The following SLC36A1 variants were observed in gnomAD, a reference collection of about 807,000 sequenced individuals.
The protein encoded by SLC36A1 is solute carrier family 36 member 1, also known as proton-coupled amino acid transporter 1.
A neutral mutation model predicts 47.5 loss-of-function variants in SLC36A1; 30 were observed. That is an observed-to-expected ratio of 0.63 (90% CI 0.47 to 0.86). SLC36A1 has a LOEUF of 0.86. SLC36A1 is among the 40% of genes least tolerant of loss of function. SLC36A1 has a pLI of 0.00. For missense variants in SLC36A1, 517 were observed against 606.0 expected (o/e 0.85, Z 1.54); for synonymous variants, 255 against 249.7 (o/e 1.02, Z -0.20).
the SLC36A1 span, chr5:151,506,173 A>C: frequency 1.4e-6 from 2 of 1,442,710 alleles, no homozygotes; most frequent in South Asian, 1.5e-5. Context: ...GCAACTATAT[A>C]TAACCTAGCG....
intron 7 of SLC36A1, among the ~76,000 whole-genome samples, chr5:151,472,000 T>C (rs1757373682): frequency 6.6e-6 from 1 of 152,106 alleles, no homozygotes. Context: ...CCCTGCCCCT[T>C]CCACACAGTC....
At chr5:151,397,764 C>CAAAAAAAAAAAAAAAAAAAAA in the SLC36A1 span, among the ~76,000 whole-genome samples, 1 of 44,338 alleles carries the variant, frequency 2.3e-5, no homozygotes, top group Non-Finnish European at 4.1e-5. Flanking sequence ...AACTCCAACT[C>CAAAAAAAAAAAAAAAAAAAAA]AAAAAAAAAA....
the SLC36A1 span, among the ~76,000 whole-genome samples, chr5:151,363,396 G>C: frequency 0.52 from 79,389 of 151,924 alleles, 23,716 homozygotes; most frequent in African/African-American, 0.83. Flanking sequence ...AAATCTGATT[G>C]TCTTACTGTC....
At chr5:151,482,317 G>GA (rs1462566750) in intron 10 of SLC36A1, among the ~76,000 whole-genome samples, 6 of 151,986 alleles carry the variant, frequency 3.9e-5, no homozygotes, top group Non-Finnish European at 4.4e-5. Context: ...TAAGGCCTCA[G>GA]GGTCCTCAAC....
the SLC36A1 span, among the ~76,000 whole-genome samples, chr5:151,347,798 G>A: frequency 6.6e-6 from 1 of 152,038 alleles, no homozygotes; most frequent in African/African-American, 2.4e-5. Flanking sequence ...CTGTACTAAG[G>A]GATAAGCAAT....
chr5:151,499,990 G>A, the SLC36A1 span, among the ~76,000 whole-genome samples: 1 of 152,110 alleles, frequency 6.6e-6, no homozygotes, highest in African/African-American at 2.4e-5. Flanking sequence ...CCCAAAAGTG[G>A]ATGTAGGGCT....
intron 1 of SLC36A1, among the ~76,000 whole-genome samples, chr5:151,453,778 TAAAA>T: frequency 6.8e-6 from 1 of 146,430 alleles, no homozygotes; most frequent in East Asian, 2.0e-4. Flanking sequence ...GGCCTTGCCT[TAAAA>T]AAAAAAAATC....
chr5:151,520,071 A>C, the SLC36A1 span, among the ~76,000 whole-genome samples: 4,133 of 152,336 alleles, frequency 0.027, 73 homozygotes, highest in Non-Finnish European at 0.042. Flanking sequence ...CAGAGAAGGA[A>C]ATCCTCTCCC....
chr5:151,412,443 G>C, the SLC36A1 span: 2 of 144,204 alleles, frequency 1.4e-5, 1 homozygote, highest in South Asian at 5.1e-4. Flanking sequence ...TTGACAATCT[G>C]GAGGATGTGT....
In SLC36A1 at chr5:151,467,746, A is replaced by G; in HGVS notation, c.544A>G (p.Asn182Asp). The change falls in exon 7 of 11, where the codon AAC becomes GAC. Residue 182 changes from asparagine (N) to aspartate (D), a missense_variant. Transcript: ENST00000243389. ...AANGTTNNCH[N>D]NETVILTPTM... ...CAATGGGACCACCAATAACTGCCACAACAATGAGACGGTGATTCTGACGCC... is the reference window on the plus strand; with the variant it reads ...CAATGGGACCACCAATAACTGCCACGACAATGAGACGGTGATTCTGACGCC... 1 of 1,614,062 alleles carries G rather than the reference A, an allele frequency of 6.2e-7. No individual in the cohort carries two copies. Among genetic ancestry groups the G allele is most frequent in the Non-Finnish European group, 8.5e-7 (1 of 1,180,004 alleles).
At chr5:151,478,946 A>T (rs1758444613) in intron 9 of SLC36A1, among the ~76,000 whole-genome samples, 1 of 152,214 alleles carries the variant, frequency 6.6e-6, no homozygotes, top group African/African-American at 2.4e-5. Context: ...ATATCATGTG[A>T]TAGAGTGATA....
the SLC36A1 span, chr5:151,525,624 G>A: frequency 2.9e-5 from 24 of 817,784 alleles, no homozygotes; most frequent in Non-Finnish European, 4.1e-5. Context: ...TGAGGCTTTA[G>A]TCCTGAGAAG....
At chr5:151,519,381 C>T in the SLC36A1 span, among the ~76,000 whole-genome samples, 1 of 152,122 alleles carries the variant, frequency 6.6e-6, no homozygotes, top group Non-Finnish European at 1.5e-5. Flanking sequence ...TCCAAAATTC[C>T]CTGACACTGG....
the SLC36A1 span, chr5:151,551,370 G>T: frequency 4.7e-6 from 6 of 1,286,828 alleles, no homozygotes; most frequent in Non-Finnish European, 4.3e-6. Flanking sequence ...GTTCCTTGAG[G>T]AACACCACAT....
chr5:151,496,401 GACTAGT>G (rs1275167832), downstream of SLC36A1, among the ~76,000 whole-genome samples: 2 of 152,192 alleles, frequency 1.3e-5, no homozygotes, highest in African/African-American at 2.4e-5. Context: ...CGCGAAAACA[GACTAGT>G]ACGTATGGTA....
At chr5:151,509,599 C>T in the SLC36A1 span, 1 of 179,950 alleles carries the variant, frequency 5.6e-6, no homozygotes, top group Non-Finnish European at 1.2e-5. Flanking sequence ...TTATAAGGAG[C>T]ATATATCTAA....
the SLC36A1 span, among the ~76,000 whole-genome samples, chr5:151,421,205 CT>C: frequency 1.7e-4 from 25 of 146,358 alleles, no homozygotes; most frequent in African/African-American, 6.0e-4. Context: ...TCCTTCCTTC[CT>C]TCCTTCCTTC....
chr5:151,459,005 T>G (rs927582025), intron 2 of SLC36A1, 70 bp downstream of exon 2: 9 of 1,493,112 alleles, frequency 6.0e-6, no homozygotes, highest in Non-Finnish European at 8.1e-6. Flanking sequence ...GACTTATTTT[T>G]CCCCCCAATT....
upstream of SLC36A1, among the ~76,000 whole-genome samples, chr5:151,445,948 G>T (rs1752891085): frequency 2.7e-5 from 4 of 148,554 alleles, no homozygotes; most frequent in Admixed American, 1.3e-4. Flanking sequence ...GATTTTGTCT[G>T]TTTTTTTTTC....
Sources: allele counts gnomAD v4.1 joint callset (sites outside exome capture counted in the v4.1 genomes callset), GRCh38; gene constraint gnomAD v4.1.1; transcripts MANE v1.5; gene names NCBI Gene and HGNC (gene_info 2026-07-23, HGNC 2026-07-21).